Variants in CNTNAP2 observed in about 807,000 individuals in gnomAD.
The protein encoded by CNTNAP2 is contactin-associated protein-like 2.
CNTNAP2 carries 98 observed loss-of-function variants against 155.2 expected under a neutral mutation model. That is an observed-to-expected ratio of 0.63 (90% CI 0.54 to 0.75). CNTNAP2 has a LOEUF of 0.75. CNTNAP2 is among the 30% of genes least tolerant of loss of function. CNTNAP2 has a pLI of 0.00. For missense variants in CNTNAP2, 1,727 were observed against 1,688.1 expected, an observed-to-expected ratio of 1.02 and a Z score of -0.40; for synonymous variants, 651 against 631.2, an observed-to-expected ratio of 1.03 and a Z score of -0.47.
At chr7:148,233,849 TG>T (rs1796003893) in intron 20 of CNTNAP2, among the ~76,000 whole-genome samples, 1 of 152,198 alleles carries the variant, frequency 6.6e-6, no homozygotes, top group Non-Finnish European at 1.5e-5. Context: ...GATTGGACCA[TG>T]GGGGTGGATT....
At chr7:146,546,093 G>C (rs1320282056) in intron 1 of CNTNAP2, among the ~76,000 whole-genome samples, 1 of 151,888 alleles carries the variant, frequency 6.6e-6, no homozygotes, top group East Asian at 1.9e-4. Flanking sequence ...AAGGAAACAT[G>C]GGTGTTGAAC....
chr7:146,188,478 T>G (rs1392573209), intron 1 of CNTNAP2, among the ~76,000 whole-genome samples: 1 of 152,204 alleles, frequency 6.6e-6, no homozygotes, highest in Non-Finnish European at 1.5e-5. Context: ...TAAAGCCAAA[T>G]GTAAAGTCTC....
intron 3 of CNTNAP2, among the ~76,000 whole-genome samples, chr7:146,964,399 A>AT (rs1718714365): frequency 6.6e-6 from 1 of 152,202 alleles, no homozygotes; most frequent in South Asian, 2.1e-4. Flanking sequence ...AAATTCCCAG[A>AT]TGTCTTAATA....
At chr7:147,492,513 T>G (rs569533920) in intron 11 of CNTNAP2, among the ~76,000 whole-genome samples, 2 of 152,354 alleles carry the variant, frequency 1.3e-5, no homozygotes, top group East Asian at 3.9e-4. Context: ...AAAAATCTTT[T>G]GATTTATCAT....
At chr7:146,651,235 C>T in intron 1 of CNTNAP2, among the ~76,000 whole-genome samples, 1 of 152,022 alleles carries the variant, frequency 6.6e-6, no homozygotes, top group Non-Finnish European at 1.5e-5. Context: ...TACCAGAAAG[C>T]ACAAGAAATG....
chr7:148,392,105 C>T (rs575222412), intron 22 of CNTNAP2, among the ~76,000 whole-genome samples: 15 of 151,822 alleles, frequency 9.9e-5, no homozygotes, highest in East Asian at 7.7e-4. Context: ...GATGGAGTCT[C>T]GCTCTGTCAC....
At chr7:148,133,195 G>A (rs1279817823) in intron 16 of CNTNAP2, among the ~76,000 whole-genome samples, 1 of 152,078 alleles carries the variant, frequency 6.6e-6, no homozygotes, top group Admixed American at 6.5e-5. Flanking sequence ...GGTCACGGTG[G>A]CTCACGCCTG....
intron 12 of CNTNAP2, among the ~76,000 whole-genome samples, chr7:147,615,704 G>A (rs867533500): frequency 2.7e-5 from 4 of 150,184 alleles, no homozygotes; most frequent in African/African-American, 4.9e-5. Context: ...AAGAAAAATC[G>A]TTTTTTTTTC....
At chr7:147,917,827 A>G (rs1800186875) in intron 14 of CNTNAP2, among the ~76,000 whole-genome samples, 1 of 152,212 alleles carries the variant, frequency 6.6e-6, no homozygotes, top group African/African-American at 2.4e-5. Context: ...AATAAAGTCC[A>G]GACTCCTGCA....
chr7:147,761,733 A>G (rs1584942419), intron 13 of CNTNAP2, among the ~76,000 whole-genome samples: 1 of 152,218 alleles, frequency 6.6e-6, no homozygotes, highest in Non-Finnish European at 1.5e-5. Context: ...ATAATTGTGT[A>G]TATTCAAAGT....
chr7:146,250,201 A>G (rs1355098150), intron 1 of CNTNAP2, among the ~76,000 whole-genome samples: 1 of 152,254 alleles, frequency 6.6e-6, no homozygotes, highest in African/African-American at 2.4e-5. Context: ...AGATGATAAT[A>G]GTACCTTTGT....
intron 10 of CNTNAP2, among the ~76,000 whole-genome samples, chr7:147,403,624 A>G (rs1213266646): frequency 1.3e-5 from 2 of 152,200 alleles, no homozygotes; most frequent in Admixed American, 6.5e-5. Context: ...AACACTTACA[A>G]TGCCTCTGTT....
chr7:146,575,843 C>A (rs1042950418), intron 1 of CNTNAP2, among the ~76,000 whole-genome samples: 1 of 152,192 alleles, frequency 6.6e-6, no homozygotes, highest in East Asian at 1.9e-4. Context: ...CCATTGTAAC[C>A]CACAAATATC....
intron 3 of CNTNAP2, among the ~76,000 whole-genome samples, chr7:146,905,056 A>G (rs1796089583): frequency 6.6e-6 from 1 of 151,958 alleles, no homozygotes; most frequent in African/African-American, 2.4e-5. Flanking sequence ...GTAGTGGGAG[A>G]TTGTCCTCTG....
intron 1 of CNTNAP2, among the ~76,000 whole-genome samples, chr7:146,356,878 C>T (rs1001958719): frequency 6.6e-6 from 1 of 152,136 alleles, no homozygotes; most frequent in Non-Finnish European, 1.5e-5. Context: ...AGCATGACAA[C>T]CTGGGAGCCC....
chr7:146,117,329 G>C (rs1797499953), intron 1 of CNTNAP2: 2 of 226,514 alleles, frequency 8.8e-6, no homozygotes, highest in South Asian at 2.2e-4. Flanking sequence ...GAAAAGTGAA[G>C]ACCATGGCAA....
intron 14 of CNTNAP2, among the ~76,000 whole-genome samples, chr7:147,940,713 T>G (rs945475309): frequency 6.6e-6 from 1 of 152,042 alleles, no homozygotes; most frequent in African/African-American, 2.4e-5. Flanking sequence ...TTTTTAAATT[T>G]TATGTAGAGA....
chr7:146,348,670 T>C (rs1301950409), intron 1 of CNTNAP2, among the ~76,000 whole-genome samples: 2 of 152,004 alleles, frequency 1.3e-5, no homozygotes, highest in African/African-American at 4.8e-5. Context: ...AAGTTTGTTT[T>C]CACTAAACAT....
At chr7:148,387,918 C>T (rs1013447892) in intron 22 of CNTNAP2, among the ~76,000 whole-genome samples, 3 of 151,994 alleles carry the variant, frequency 2.0e-5, no homozygotes, top group Middle Eastern at 3.2e-3. Flanking sequence ...ACCAAGATGG[C>T]AATGAGATTG....
Sources: allele counts gnomAD v4.1 joint callset (sites outside exome capture counted in the v4.1 genomes callset), GRCh38; gene constraint gnomAD v4.1.1; transcripts MANE v1.5; gene names NCBI Gene and HGNC (gene_info 2026-07-23, HGNC 2026-07-21).